FBRSL1: variants seen among roughly 807,000 people sequenced by gnomAD.
FBRSL1 encodes fibrosin like 1, also known as fibrosin-1-like protein.
FBRSL1 carries 51 observed loss-of-function variants against 89.6 expected under a neutral mutation model. The ratio of observed to expected loss-of-function variants is 0.57; its 90% CI spans 0.45 to 0.72. The LOEUF (loss-of-function observed/expected upper bound fraction) is 0.72. FBRSL1 is among the 30% of genes least tolerant of loss of function. The pLI, the probability that FBRSL1 is intolerant of heterozygous loss-of-function variation, is 0.00. For missense variants in FBRSL1, 1,618 were observed against 1,451.8 expected, an observed-to-expected ratio of 1.11 and a Z score of -1.86; for synonymous variants, 779 against 681.1, an observed-to-expected ratio of 1.14 and a Z score of -2.24.
At chr12:132,509,907 C>T (rs2034135841) in intron 2 of FBRSL1, 6 of 1,231,324 alleles carry the variant, frequency 4.9e-6, no homozygotes, top group Admixed American at 4.2e-5. Context: ...CTGCTGCCCC[C>T]GGCGGGCCTT....
At chr12:132,538,886 C>T (rs2036980065) in intron 4 of FBRSL1, among the ~76,000 whole-genome samples, 1 of 152,174 alleles carries the variant, frequency 6.6e-6, no homozygotes, top group Non-Finnish European at 1.5e-5. Context: ...GGTGCCTCCA[C>T]CTCCCAGGAC....
intron 1 of FBRSL1, among the ~76,000 whole-genome samples, chr12:132,506,340 C>T (rs1420796661): frequency 6.6e-6 from 1 of 152,230 alleles, no homozygotes; most frequent in African/African-American, 2.4e-5. Context: ...TTGACACATG[C>T]GTCCTTCTGG....
intron 5 of FBRSL1, chr12:132,566,404 A>G (rs1593529122): frequency 9.6e-6 from 1 of 104,182 alleles, no homozygotes; most frequent in East Asian, 4.6e-4. Context: ...AAGCTGTTTA[A>G]TCAAAAAAAA....
intron 4 of FBRSL1, 80 bp from the exon 5 acceptor site, chr12:132,547,923 C>T (rs2037835684): frequency 3.3e-6 from 5 of 1,494,994 alleles, no homozygotes; most frequent in Non-Finnish European, 4.5e-6. Flanking sequence ...CGTGCCCCTG[C>T]AGCCTGGCTG....
chr12:132,576,529 GT>G (rs1301392027), intron 14 of FBRSL1, among the ~76,000 whole-genome samples: 1 of 152,228 alleles, frequency 6.6e-6, no homozygotes, highest in Non-Finnish European at 1.5e-5. Context: ...AAAAAAGTAA[GT>G]TATTTTCCAT....
chr12:132,582,305 C>G, intron 18 of FBRSL1, 39 bp downstream of exon 18: 3 of 1,510,600 alleles, frequency 2.0e-6, no homozygotes, highest in African/African-American at 1.4e-5. Context: ...ACCACACACC[C>G]CTACCCCGTT....
At chr12:132,541,417 C>T (rs1193702528) in intron 4 of FBRSL1, among the ~76,000 whole-genome samples, 2 of 152,066 alleles carry the variant, frequency 1.3e-5, no homozygotes, top group African/African-American at 4.8e-5. Context: ...GCCAGCAGCC[C>T]CGCCAGAGGT....
At chr12:132,507,250 A>G in intron 1 of FBRSL1, 1 of 985,380 alleles carries the variant, frequency 1.0e-6, no homozygotes, top group Non-Finnish European at 1.2e-6. Flanking sequence ...TTTTCCTCAC[A>G]GCTGTGCCCT....
chr12:132,528,594 C>T (rs2035995575), intron 4 of FBRSL1, among the ~76,000 whole-genome samples: 2 of 143,690 alleles, frequency 1.4e-5, no homozygotes, highest in African/African-American at 2.6e-5. Context: ...CCGGGGGGAG[C>T]GGGTGTCTGC....
chr12:132,567,487 G>C lies in FBRSL1; in HGVS notation c.652G>C (p.Val218Leu). Residue 218 changes from valine (V) to leucine (L), a missense_variant, in exon 6 of 19, where the codon GTG (valine) becomes CTG (leucine). By Grantham distance (32) the Val-to-Leu change is conservative. Transcript: ENST00000680143. Reference sequence around the variant, plus strand: ...CCCCCTTCTCTCTCTCCAGGCATCCGTGGGCTCTGAGAAGCTCTTTGCGCC... The same window carrying C: ...CCCCCTTCTCTCTCTCCAGGCATCCCTGGGCTCTGAGAAGCTCTTTGCGCC... ...SESGPDDKAS[V>L]GSEKLFAPGT... is the part of the protein sequence containing the mutation. The C allele has an allele frequency of 6.4e-7, 1 of 1,551,110 alleles. No homozygotes were observed. The highest frequency in any genetic ancestry group is 8.7e-7 in the Non-Finnish European group (1 of 1,146,900).
chr12:132,498,684 C>T (rs1206825235), intron 1 of FBRSL1, among the ~76,000 whole-genome samples: 2 of 152,220 alleles, frequency 1.3e-5, no homozygotes, highest in Admixed American at 6.5e-5. Context: ...GCCCCCCATC[C>T]TGGTCAGCAG....
At chr12:132,504,417 T>G (rs1365367693) in intron 1 of FBRSL1, among the ~76,000 whole-genome samples, 2 of 152,186 alleles carry the variant, frequency 1.3e-5, no homozygotes, top group East Asian at 3.9e-4. Context: ...CACGGCAGCC[T>G]GCGCCCAGCC....
intron 4 of FBRSL1, among the ~76,000 whole-genome samples, chr12:132,545,483 C>T (rs1421736368): frequency 6.6e-6 from 1 of 152,230 alleles, no homozygotes; most frequent in Admixed American, 6.5e-5. Flanking sequence ...ATGAGAGGAT[C>T]CATGCAGCGT....
chr12:132,576,979 GTGCCCAGCTGAGCC>G, intron 15 of FBRSL1, 48 bp downstream of exon 15: 1 of 1,524,102 alleles, frequency 6.6e-7, no homozygotes, highest in South Asian at 1.2e-5. Context: ...CCTCCCGCTC[GTGCCCAGCTGAGCC>G]TGCCTTCCTG....
chr12:132,584,785 A>T lies in FBRSL1; in HGVS notation c.*1007A>T, dbSNP rs1169502943. 6.6e-6 allele frequency: 1 copy of T among 151,880 alleles called. No homozygotes were observed. The highest frequency in any genetic ancestry group is 1.5e-5 in the Non-Finnish European group (1 of 68,060). The allele number at this position is 151,880 out of a possible 1,614,324, so 9.4% of individuals were successfully genotyped here. A position where few individuals can be genotyped will look rare whatever the true frequency, so the allele number is the denominator to read the frequency against. ...TGGAATCTGTAGACCAGATCGGTGGAGGTATAGAAGTGCAAGAGTCTAAAG... is the reference window on the plus strand; with the variant it reads ...TGGAATCTGTAGACCAGATCGGTGGTGGTATAGAAGTGCAAGAGTCTAAAG... On this transcript the variant is annotated 3_prime_UTR_variant, in exon 19 of 19. Transcript: ENST00000680143.
intron 2 of FBRSL1, chr12:132,509,818 G>A: frequency 8.1e-7 from 1 of 1,231,652 alleles, no homozygotes; most frequent in African/African-American, 1.6e-5. Context: ...CTAGCCCAGT[G>A]CCAGCGGTAC....
intron 18 of FBRSL1, 93 bp downstream of exon 18, chr12:132,582,359 C>T (rs1391376741): frequency 9.2e-6 from 10 of 1,082,294 alleles, no homozygotes; most frequent in African/African-American, 1.6e-5. Context: ...CCCCCGTTCC[C>T]TCTTCTCCCC....
chr12:132,576,818 A>G lies in FBRSL1; in HGVS notation c.1721A>G (p.His574Arg). 2 of 1,550,600 alleles carry G rather than the reference A, an allele frequency of 1.3e-6. No individual in the cohort carries two copies. The highest frequency in any genetic ancestry group is 1.7e-6 in the Non-Finnish European group (2 of 1,146,778). ...TCCCAGGAGATGCAGCTGGACCCCC[A>G]CAAGCTGGAGGTGGGTGCAAAGCTG... is the stretch of plus-strand genomic sequence containing the variant. ...QKIKEMQLDP[H>R]KLEVGAKLDL... is the part of the protein sequence containing the mutation. Residue 574 changes from histidine to arginine, a missense_variant, in exon 15 of 19, where the codon CAC becomes CGC. Physicochemically the swap from His to Arg is conservative, Grantham distance 29. Transcript: ENST00000680143.
chr12:132,557,735 C>T lies in FBRSL1; in HGVS notation c.645+9703C>T, dbSNP rs1440844056. Among the ~76,000 whole-genome samples, 3 of 152,222 alleles carry T rather than the reference C, an allele frequency of 2.0e-5. No individual in the cohort carries two copies. The East Asian group carries it at 5.8e-4, about 29-fold the overall frequency. ...CTGGCCAGTTGCTGCCCCTCAATTCCTTCTTCCTGCTCCCCCAACTCCCCA... is the reference window on the plus strand; with the variant it reads ...CTGGCCAGTTGCTGCCCCTCAATTCTTTCTTCCTGCTCCCCCAACTCCCCA... On this transcript the variant is annotated intron_variant, in intron 5 of 18. Coordinates refer to ENST00000680143, the MANE Select transcript of FBRSL1 (RefSeq NM_001367871.1).
Sources: allele counts gnomAD v4.1 joint callset (sites outside exome capture counted in the v4.1 genomes callset), GRCh38; gene constraint gnomAD v4.1.1; transcripts MANE v1.5; gene names NCBI Gene and HGNC (gene_info 2026-07-23, HGNC 2026-07-21).